Variants in TDRD12 observed in about 807,000 individuals in gnomAD.
TDRD12 encodes putative ATP-dependent RNA helicase TDRD12.
In TDRD12, 158 loss-of-function variants were observed where a neutral mutation model predicts 133.5. The ratio of observed to expected loss-of-function variants is 1.18; its 90% CI spans 1.04 to 1.35. TDRD12 has a LOEUF of 1.35. Ranked by LOEUF, TDRD12 falls within the 40% of genes most tolerant of loss-of-function variation. The probability of loss-of-function intolerance (pLI) is 0.00; values close to 1 mark genes in which losing one functional copy is unlikely to be tolerated. For missense variants in TDRD12, 1,443 were observed against 1,321.3 expected (o/e 1.09, Z -1.43); for synonymous variants, 460 against 477.9 (o/e 0.96, Z 0.49).
intron 1 of TDRD12, among the ~76,000 whole-genome samples, chr19:32,727,009 C>G (rs933397580): frequency 3.9e-5 from 6 of 152,170 alleles, no homozygotes; most frequent in African/African-American, 1.4e-4. Flanking sequence ...GAGGAGCCAC[C>G]CTACCATTTT....
intron 8 of TDRD12, among the ~76,000 whole-genome samples, chr19:32,768,120 C>T (rs560215314): frequency 6.6e-6 from 1 of 152,252 alleles, no homozygotes; most frequent in Admixed American, 6.5e-5. Flanking sequence ...GGCCGCGCCC[C>T]AGGCCACCTG....
At chr19:32,821,528 G>A (rs1967396675), downstream of TDRD12, among the ~76,000 whole-genome samples, 1 of 152,146 alleles carries the variant, frequency 6.6e-6, no homozygotes, top group Non-Finnish European at 1.5e-5. Context: ...TGCTGACTTG[G>A]AAGCATATAG....
downstream of TDRD12, among the ~76,000 whole-genome samples, chr19:32,821,862 C>A (rs1967407674): frequency 6.6e-6 from 1 of 152,314 alleles, no homozygotes; most frequent in South Asian, 2.1e-4. Context: ...GAGGAGCTGG[C>A]GTTAATAGAG....
Position 32,749,732 on chromosome 19 carries a change from T to TCC in TDRD12, c.497-51_497-50insCC, listed in dbSNP as rs1158622345. On this transcript the variant is annotated intron_variant, in intron 5 of 27. Coordinates refer to ENST00000444215, the Ensembl canonical transcript of TDRD12. ...TAGGTGGGAAATCGTCATGATTGTTTCAAATATACTTTTAACATCAGCTGA... is the reference window on the plus strand; with the variant it reads ...TAGGTGGGAAATCGTCATGATTGTTTCCCAAATATACTTTTAACATCAGCTGA... 1.4e-5 allele frequency: 19 copies of TCC among 1,363,988 alleles called. No individual in the cohort carries two copies. The African/African-American group carries it at 2.6e-4, about 19-fold the overall frequency. 84.5% of individuals were successfully genotyped at this position (1,363,988 alleles called of 1,614,324 possible). A position where few individuals can be genotyped will look rare whatever the true frequency, so the allele number is the denominator to read the frequency against.
At chr19:32,758,444 A>T (rs541840765) in intron 8 of TDRD12, among the ~76,000 whole-genome samples, 2 of 152,328 alleles carry the variant, frequency 1.3e-5, no homozygotes, top group South Asian at 4.1e-4. Context: ...AGAGGAAAAA[A>T]TGCCAAACGG....
At position 32,797,906 on chromosome 19, in the gene TDRD12, C is replaced by A; in HGVS notation, c.1630+15C>A. 2 of 679,228 alleles carry A rather than the reference C, an allele frequency of 2.9e-6. No individual in the cohort carries two copies. The highest frequency in any genetic ancestry group is 1.6e-5 in the South Asian group (1 of 63,344). 42.1% of individuals were successfully genotyped at this position (679,228 alleles called of 1,614,324 possible). A position where few individuals can be genotyped will look rare whatever the true frequency, so the allele number is the denominator to read the frequency against. ...TCCAAGGGGCTGTAAGTATCCTTTT[C>A]AAGCGGCTATAAAAGTTAAAGTATC... On this transcript the variant is annotated intron_variant, in intron 15 of 27. Transcript: ENST00000444215.
At chr19:32,810,265 C>T (rs73035345) in exon 23 of TDRD12, 58,211 of 1,513,772 alleles carry the variant, frequency 0.038, 1,280 homozygotes, top group Non-Finnish European at 0.045. Context: ...GCAGAAAAAA[C>T]GCTTTTTCAC....
Position 32,811,232 on chromosome 19 carries a change from CA to C in TDRD12, c.2865del (p.Glu956LysfsTer11). Reference sequence around the variant, plus strand: ...CAGGGTTCAGGTGTTGGAAGTGAACCAAAAAGAAGACGCCTGGGCCCTGGAT... The same window carrying C: ...CAGGGTTCAGGTGTTGGAAGTGAACCAAAAGAAGACGCCTGGGCCCTGGAT... On this transcript the variant is annotated frameshift_variant, in exon 24 of 28. Transcript: ENST00000444215. LOFTEE classifies it high-confidence loss of function. The C allele has an allele frequency of 6.5e-7, 1 of 1,535,972 alleles. No individual in the cohort carries two copies. Among genetic ancestry groups the C allele is most frequent in the East Asian group, 2.4e-5 (1 of 40,904 alleles).
chr19:32,762,913 A>G (rs1036681936), intron 8 of TDRD12, among the ~76,000 whole-genome samples: 3 of 152,236 alleles, frequency 2.0e-5, no homozygotes, highest in Non-Finnish European at 2.9e-5. Context: ...GGTATAGCCT[A>G]TGGCTCCTAG....
chr19:32,788,972 A>G (rs895879749), intron 11 of TDRD12, among the ~76,000 whole-genome samples: 2 of 152,170 alleles, frequency 1.3e-5, no homozygotes, highest in African/African-American at 4.8e-5. Context: ...TTTTCAGTTC[A>G]GCACCTCTGT....
At chr19:32,744,955 C>G (rs1243963538) in intron 4 of TDRD12, among the ~76,000 whole-genome samples, 2 of 152,212 alleles carry the variant, frequency 1.3e-5, no homozygotes, top group Non-Finnish European at 2.9e-5. Flanking sequence ...CCCCAGCCCC[C>G]ACAGTTTCCT....
At chr19:32,797,023 C>T (rs1450513122) in intron 14 of TDRD12, among the ~76,000 whole-genome samples, 1 of 151,226 alleles carries the variant, frequency 6.6e-6, no homozygotes, top group African/African-American at 2.4e-5. Flanking sequence ...CTCTGTCACC[C>T]AGGCTGGAGT....
At chr19:32,805,052 C>A (rs1232798736) in intron 21 of TDRD12, among the ~76,000 whole-genome samples, 1 of 151,458 alleles carries the variant, frequency 6.6e-6, no homozygotes, top group Non-Finnish European at 1.5e-5. Context: ...AATCCCAGCG[C>A]TTTGGGAGGC....
intron 8 of TDRD12, among the ~76,000 whole-genome samples, chr19:32,766,386 A>G (rs1017483524): frequency 1.3e-5 from 2 of 152,288 alleles, no homozygotes; most frequent in African/African-American, 4.8e-5. Context: ...ATCCAGTTAC[A>G]TCTTTAAGTT....
At position 32,742,888 on chromosome 19, in the gene TDRD12, G is replaced by A. The variant is rs962610538; in HGVS notation, c.428G>A (p.Ser143Asn). The change falls in exon 4 of 28, where the codon AGT becomes AAT. Residue 143 changes from serine (S) to asparagine (N), a missense_variant. Physicochemically the swap from Ser to Asn is conservative, Grantham distance 46. Coordinates refer to ENST00000444215, the Ensembl canonical transcript of TDRD12. ...TTACACATTGACTTCTGCCGAGACA[G>A]TACTGACATTGTGTAAGTACAGTTT... is the stretch of plus-strand genomic sequence containing the variant. The A allele has an allele frequency of 1.9e-6, 3 of 1,551,504 alleles. No individual in the cohort carries two copies. In the Admixed American group the frequency reaches 5.9e-5, roughly 30 times the overall value.
chr19:32,753,266 A>G (rs1469271923), intron 6 of TDRD12, among the ~76,000 whole-genome samples: 1 of 152,232 alleles, frequency 6.6e-6, no homozygotes, highest in Non-Finnish European at 1.5e-5. Context: ...ATGCACACAC[A>G]AATCTATATT....
chr19:32,793,567 G>A (rs1971132113), intron 13 of TDRD12, among the ~76,000 whole-genome samples: 3 of 152,178 alleles, frequency 2.0e-5, no homozygotes, highest in Admixed American at 2.0e-4. Flanking sequence ...TCCTATCCAT[G>A]TGGGTGGAGA....
exon 14 of TDRD12, chr19:32,794,764 C>T (rs1449311432): frequency 1.4e-6 from 1 of 703,450 alleles, no homozygotes; most frequent in Non-Finnish European, 2.6e-6. Flanking sequence ...CCAGTGTTGA[C>T]AGTTTTGCAA....
At chr19:32,727,230 G>A (rs1412210896) in intron 1 of TDRD12, among the ~76,000 whole-genome samples, 1 of 152,126 alleles carries the variant, frequency 6.6e-6, no homozygotes, top group Non-Finnish European at 1.5e-5. Context: ...AGTATGTTGA[G>A]CGCCTTTTCA....
Sources: gnomAD v4.1 joint callset for allele counts (sites outside exome capture counted in the v4.1 genomes callset) on GRCh38, gnomAD v4.1.1 for gene constraint, MANE v1.5 for transcripts, NCBI Gene and HGNC (gene_info 2026-07-23, HGNC 2026-07-21) for gene names.